The following TENM2 variants were observed in gnomAD, a reference collection of about 807,000 sequenced individuals.
The protein encoded by TENM2 is teneurin transmembrane protein 2.
In TENM2, 52 loss-of-function variants were observed where a neutral mutation model predicts 245.2. That is an observed-to-expected ratio of 0.21 (90% CI 0.17 to 0.27). The LOEUF (loss-of-function observed/expected upper bound fraction) is 0.27, where lower values mean the gene tolerates loss of function less well. Among genes scored for constraint, TENM2 ranks in the 10% least tolerant of loss-of-function variants. The pLI is 1.00. For missense variants in TENM2, 3,046 were observed against 3,666.8 expected (o/e 0.83, Z 4.37); for synonymous variants, 1,363 against 1,438.9 (o/e 0.95, Z 1.19).
the TENM2 span, among the ~76,000 whole-genome samples, chr5:167,119,970 T>G: frequency 6.6e-6 from 1 of 152,138 alleles, no homozygotes; most frequent in Non-Finnish European, 1.5e-5. Flanking sequence ...GGCTTGGAGA[T>G]AGAGAGGATC....
intron 2 of TENM2, among the ~76,000 whole-genome samples, chr5:167,661,121 G>A (rs528832146): frequency 2.0e-5 from 3 of 152,116 alleles, no homozygotes; most frequent in Non-Finnish European, 2.9e-5. Context: ...CTTATTTACT[G>A]TTGTGACTGT....
the TENM2 span, among the ~76,000 whole-genome samples, chr5:167,121,819 C>T: frequency 6.6e-6 from 1 of 152,162 alleles, no homozygotes; most frequent in Non-Finnish European, 1.5e-5. Flanking sequence ...AAATAGAAAC[C>T]TGGAATAAGT....
At chr5:167,187,557 T>C in the TENM2 span, among the ~76,000 whole-genome samples, 1 of 152,312 alleles carries the variant, frequency 6.6e-6, no homozygotes, top group South Asian at 2.1e-4. Flanking sequence ...TTTTGTCTAC[T>C]CTGAGCCTAA....
intron 3 of TENM2, among the ~76,000 whole-genome samples, chr5:167,905,802 C>A (rs1315664923): frequency 2.6e-5 from 4 of 152,124 alleles, no homozygotes; most frequent in African/African-American, 9.7e-5. Flanking sequence ...CACCAGCTTT[C>A]AATAGAGGTG....
chr5:167,455,727 A>G (rs1430980001), intron 2 of TENM2, among the ~76,000 whole-genome samples: 1 of 152,130 alleles, frequency 6.6e-6, no homozygotes, highest in African/African-American at 2.4e-5. Flanking sequence ...GGGTTTATAT[A>G]GCTTTTAAGT....
At chr5:167,567,030 A>C (rs1359147180) in intron 2 of TENM2, among the ~76,000 whole-genome samples, 1 of 144,292 alleles carries the variant, frequency 6.9e-6, no homozygotes, top group East Asian at 2.0e-4. Flanking sequence ...AATTGGCTAA[A>C]TAAGATCTGA....
chr5:166,984,142 T>G, the TENM2 span, among the ~76,000 whole-genome samples: 1 of 152,130 alleles, frequency 6.6e-6, no homozygotes, highest in African/African-American at 2.4e-5. Context: ...TTTATTAAGT[T>G]ATATAAAAGG....
intron 20 of TENM2, among the ~76,000 whole-genome samples, chr5:168,213,677 GT>G (rs904692784): frequency 6.7e-6 from 1 of 148,586 alleles, no homozygotes; most frequent in Non-Finnish European, 1.5e-5. Context: ...AAAAAAAAAG[GT>G]TTTTAATTAG....
At chr5:167,840,978 T>A (rs1159870771) in intron 2 of TENM2, among the ~76,000 whole-genome samples, 1 of 152,154 alleles carries the variant, frequency 6.6e-6, no homozygotes, top group African/African-American at 2.4e-5. Context: ...ACACCCAATT[T>A]GTCGGAGCAA....
At chr5:167,029,515 C>T in the TENM2 span, among the ~76,000 whole-genome samples, 1 of 152,158 alleles carries the variant, frequency 6.6e-6, no homozygotes, top group African/African-American at 2.4e-5. Flanking sequence ...TTCACATCTC[C>T]CTTCAGCACT....
chr5:167,513,566 CTTTGGTATACATGCCA>C (rs1302540851), intron 2 of TENM2, among the ~76,000 whole-genome samples: 4 of 152,124 alleles, frequency 2.6e-5, no homozygotes. Flanking sequence ...GTGGTGCCGT[CTTTGGTATACATGCCA>C]TTTGCAGGAT....
chr5:167,569,809 G>T (rs1774154556), intron 2 of TENM2, among the ~76,000 whole-genome samples: 1 of 152,158 alleles, frequency 6.6e-6, no homozygotes, highest in Non-Finnish European at 1.5e-5. Context: ...TACAGATGGG[G>T]AGAGCAGGGT....
intron 2 of TENM2, among the ~76,000 whole-genome samples, chr5:167,541,827 G>A (rs1391344643): frequency 6.6e-6 from 1 of 152,104 alleles, no homozygotes; most frequent in African/African-American, 2.4e-5. Context: ...AGATACATAA[G>A]GCAATAATTT....
chr5:167,045,156 T>C, the TENM2 span, among the ~76,000 whole-genome samples: 1 of 152,300 alleles, frequency 6.6e-6, no homozygotes, highest in South Asian at 2.1e-4. Flanking sequence ...GGGTATGGAC[T>C]TATTTGGTGG....
chr5:167,290,530 C>T (rs911963992), intron 1 of TENM2, among the ~76,000 whole-genome samples: 10 of 152,092 alleles, frequency 6.6e-5, no homozygotes, highest in African/African-American at 2.4e-4. Context: ...TTTTTCTTTC[C>T]TCTTGATTTG....
the TENM2 span, among the ~76,000 whole-genome samples, chr5:167,188,308 G>A: frequency 2.0e-5 from 3 of 152,276 alleles, no homozygotes; most frequent in African/African-American, 4.8e-5. Context: ...GTTCTTCAGC[G>A]CGGGCTGCTG....
At chr5:167,730,026 CCTT>C (rs1311479291) in intron 2 of TENM2, among the ~76,000 whole-genome samples, 2 of 152,100 alleles carry the variant, frequency 1.3e-5, no homozygotes, top group African/African-American at 2.4e-5. Flanking sequence ...TATTGAGTAT[CCTT>C]CTTATGGGTC....
intron 8 of TENM2, among the ~76,000 whole-genome samples, chr5:168,093,128 A>G (rs1299397611): frequency 2.0e-5 from 3 of 152,242 alleles, no homozygotes; most frequent in Non-Finnish European, 4.4e-5. Context: ...ATTCTAGCCA[A>G]CTAAATCCTT....
chr5:168,101,304 G>T (rs1037822881), intron 9 of TENM2, among the ~76,000 whole-genome samples: 2 of 152,096 alleles, frequency 1.3e-5, no homozygotes, highest in African/African-American at 2.4e-5. Flanking sequence ...CAGCCGCACG[G>T]CCCGTGAGCT....
Sources: allele counts gnomAD v4.1 joint callset (sites outside exome capture counted in the v4.1 genomes callset), GRCh38; gene constraint gnomAD v4.1.1; transcripts MANE v1.5; gene names NCBI Gene and HGNC (gene_info 2026-07-23, HGNC 2026-07-21).